The following STK3 variants were observed in gnomAD, a reference collection of about 807,000 sequenced individuals.
STK3 encodes the protein serine/threonine kinase 3.
Under a neutral mutation model 58.0 loss-of-function variants are expected in STK3, and 41 were observed. The observed-to-expected ratio is 0.71, with a 90% CI of 0.55 to 0.92. STK3 has a LOEUF of 0.92. Ranked by LOEUF, STK3 falls within the 40% of genes least tolerant of loss-of-function variation. The probability of loss-of-function intolerance (pLI) is 0.00; values close to 1 mark genes in which losing one functional copy is unlikely to be tolerated. For synonymous variants in STK3, 170 were observed against 191.0 expected (o/e 0.89, Z 0.91); for missense variants, 479 against 602.7 (o/e 0.79, Z 2.15).
At chr8:98,535,726 A>G (rs144998058) in intron 9 of STK3, among the ~76,000 whole-genome samples, 1,693 of 152,304 alleles carry the variant, frequency 0.011, 28 homozygotes, top group African/African-American at 0.038. Context: ...CACCTATTCT[A>G]ATATGACCTA....
chr8:98,477,274 G>C (rs1358134305), intron 10 of STK3, among the ~76,000 whole-genome samples: 10 of 151,854 alleles, frequency 6.6e-5, no homozygotes, highest in Non-Finnish European at 1.3e-4. Context: ...CCTTACAAAG[G>C]CTCCTTGCCA....
intron 6 of STK3, among the ~76,000 whole-genome samples, chr8:98,706,221 A>G (rs1352080404): frequency 6.6e-6 from 1 of 152,204 alleles, no homozygotes; most frequent in African/African-American, 2.4e-5. Flanking sequence ...AAAATTTTAC[A>G]AGTATATTTT....
At chr8:98,405,569 C>G (rs6989931) in intron 3 of STK3, among the ~76,000 whole-genome samples, 1 of 152,170 alleles carries the variant, frequency 6.6e-6, no homozygotes, top group African/African-American at 2.4e-5. Context: ...AGAACCTAGA[C>G]GCCTCAGAGC....
Position 98,925,948 on chromosome 8 carries a change from G to A in STK3, c.-79+16430C>T, listed in dbSNP as rs1280299034. On this transcript the variant is annotated intron_variant, in intron 1 of 1. Coordinates refer to the STK3 transcript ENST00000519420. ...CTCTGCTCAGCTCATATTAAAGTAT[G>A]TAGCATCAGAGCCTCCTCATAATCA... Among the ~76,000 whole-genome samples, 3 of 152,190 alleles carry A rather than the reference G, an allele frequency of 2.0e-5. No individual in the cohort carries two copies. In the East Asian group the frequency reaches 5.8e-4, roughly 29 times the overall value.
intron 3 of STK3, among the ~76,000 whole-genome samples, chr8:98,425,168 G>C (rs1269069997): frequency 6.6e-6 from 1 of 152,242 alleles, no homozygotes; most frequent in African/African-American, 2.4e-5. Context: ...AGGAGATCCA[G>C]GGGCTCCCAG....
At chr8:98,411,005 A>AC (rs1454552494) in intron 3 of STK3, among the ~76,000 whole-genome samples, 1 of 151,782 alleles carries the variant, frequency 6.6e-6, no homozygotes, top group Non-Finnish European at 1.5e-5. Context: ...ATCCATCACC[A>AC]CCCCCCAGAA....
At chr8:98,675,628 C>T (rs868026620) in intron 6 of STK3, among the ~76,000 whole-genome samples, 12 of 151,590 alleles carry the variant, frequency 7.9e-5, no homozygotes, top group African/African-American at 1.9e-4. Context: ...TTTGGGAGGC[C>T]GAGGTGGGTG....
intron 6 of STK3, among the ~76,000 whole-genome samples, chr8:98,621,874 G>A (rs940183882): frequency 2.6e-5 from 4 of 151,866 alleles, no homozygotes; most frequent in African/African-American, 9.7e-5. Context: ...AGATGATACA[G>A]ATTGTGGACA....
intron 2 of STK3, among the ~76,000 whole-genome samples, chr8:98,771,558 A>T (rs1258752116): frequency 2.0e-5 from 3 of 151,818 alleles, no homozygotes; most frequent in Non-Finnish European, 4.4e-5. Context: ...TATATATACA[A>T]ACATATACGT....
intron 3 of STK3, among the ~76,000 whole-genome samples, chr8:98,858,319 T>G (rs181402101): frequency 0.17 from 6,789 of 39,028 alleles, 419 homozygotes; most frequent in Non-Finnish European, 0.22. Context: ...TATATATATA[T>G]ATATAGAGAG....
In STK3 at chr8:98,375,066, C is replaced by A. The variant is rs1045345206; in HGVS notation, n.112-3388G>T. On this transcript the variant is annotated intron_variant and non_coding_transcript_variant, in intron 2 of 2. Transcript: ENST00000518704. ...AATAGCCTGGGCAACATAGTGAGACCCTGTGTCTACAAAAAAACAAACAAC... is the reference window on the plus strand; with the variant it reads ...AATAGCCTGGGCAACATAGTGAGACACTGTGTCTACAAAAAAACAAACAAC... 2.8e-5 allele frequency among the ~76,000 whole-genome samples: 4 copies of A among 144,008 alleles called. No individual in the cohort carries two copies. In the South Asian group the frequency reaches 9.3e-4, roughly 33 times the overall value. 94.5% of individuals were successfully genotyped at this position (144,008 alleles called of 152,430 possible).
At chr8:98,459,231 G>A (rs954438419) in intron 10 of STK3, among the ~76,000 whole-genome samples, 6 of 152,208 alleles carry the variant, frequency 3.9e-5, no homozygotes, top group African/African-American at 1.4e-4. Context: ...TTAGCAAAGG[G>A]ACTGGTGGCA....
intron 3 of STK3, among the ~76,000 whole-genome samples, chr8:98,842,164 A>T (rs977843163): frequency 1.3e-5 from 2 of 152,234 alleles, no homozygotes; most frequent in African/African-American, 4.8e-5. Flanking sequence ...CCATGTTCCT[A>T]AATGAGACGA....
chr8:98,665,886 G>C (rs956946088), intron 6 of STK3, among the ~76,000 whole-genome samples: 78 of 152,014 alleles, frequency 5.1e-4, no homozygotes, highest in African/African-American at 1.7e-3. Flanking sequence ...TGTATTTTTA[G>C]TAGAGACAGG....
rs543929125 is a variant in STK3 at position 98,905,094 on chromosome 8, C to T, written c.-78-21260G>A. ...GTGAACTGCTGCATATTGTTCATTA[C>T]ACTGCTCAGTAAAGTCTGCCACACG... On this transcript the variant is annotated intron_variant, in intron 1 of 1. Coordinates refer to the STK3 transcript ENST00000519420. 98 of 1,410,808 alleles carry T rather than the reference C, an allele frequency of 6.9e-5. 1 individual carries two copies. In the South Asian group the frequency reaches 1.0e-3, roughly 15 times the overall value. 87.4% of individuals were successfully genotyped at this position (1,410,808 alleles called of 1,614,324 possible).
At chr8:98,378,784 C>G (rs1460775951) in intron 2 of STK3, among the ~76,000 whole-genome samples, 1 of 152,180 alleles carries the variant, frequency 6.6e-6, no homozygotes, top group Non-Finnish European at 1.5e-5. Flanking sequence ...CCAGCATCAC[C>G]TGCAAATATC....
downstream of STK3, among the ~76,000 whole-genome samples, chr8:98,366,312 T>C (rs539497273): frequency 1.3e-5 from 2 of 152,372 alleles, no homozygotes; most frequent in South Asian, 4.1e-4. Flanking sequence ...TTCATTTTTC[T>C]ATTGGAATCT....
At chr8:98,869,327 A>G (rs1355457634) in intron 3 of STK3, among the ~76,000 whole-genome samples, 3 of 151,990 alleles carry the variant, frequency 2.0e-5, no homozygotes, top group African/African-American at 7.2e-5. Context: ...AGGCTGAGGC[A>G]CGAGAATCGC....
intron 1 of STK3, among the ~76,000 whole-genome samples, chr8:98,805,697 T>C (rs980946048): frequency 3.7e-4 from 56 of 152,252 alleles, no homozygotes; most frequent in African/African-American, 1.3e-3. Flanking sequence ...CATTCAAATT[T>C]TGTGTTGGAA....
Sources: gnomAD v4.1 joint callset for allele counts (sites outside exome capture counted in the v4.1 genomes callset) on GRCh38, gnomAD v4.1.1 for gene constraint, MANE v1.5 for transcripts, NCBI Gene and HGNC (gene_info 2026-07-23, HGNC 2026-07-21) for gene names.